KCNC1: variants seen among roughly 807,000 people sequenced by gnomAD.
The protein encoded by KCNC1 is potassium voltage-gated channel subfamily C member 1.
Under a neutral mutation model 43.4 loss-of-function variants are expected in KCNC1, and 8 were observed. The observed-to-expected ratio is 0.18, with a 90% CI of 0.11 to 0.33. The LOEUF is 0.33. KCNC1 is among the 10% of genes least tolerant of loss of function. The pLI is 1.00. For missense variants in KCNC1, 420 were observed against 836.0 expected (o/e 0.50, Z 6.14); for synonymous variants, 361 against 360.5 (o/e 1.00, Z -0.01).
intron 2 of KCNC1, chr11:17,774,744 A>G (rs1849266579): frequency 1.0e-6 from 1 of 985,172 alleles, no homozygotes; most frequent in Non-Finnish European, 1.2e-6. Context: ...TGGGGCCCTC[A>G]CAAGCTTGCC....
At chr11:17,761,711 C>T (rs147906719) in intron 1 of KCNC1, among the ~76,000 whole-genome samples, 7 of 152,322 alleles carry the variant, frequency 4.6e-5, no homozygotes, top group Admixed American at 2.6e-4. Context: ...ACCTGCCTAG[C>T]ATGTGGGTCT....
At chr11:17,761,912 A>G (rs1849082567) in intron 1 of KCNC1, among the ~76,000 whole-genome samples, 1 of 152,060 alleles carries the variant, frequency 6.6e-6, no homozygotes, top group African/African-American at 2.4e-5. Flanking sequence ...CCATCACACC[A>G]GCATCTGCCC....
chr11:17,757,169 G>A (rs930080071), intron 1 of KCNC1, among the ~76,000 whole-genome samples: 6 of 152,080 alleles, frequency 3.9e-5, no homozygotes, highest in African/African-American at 1.2e-4. Flanking sequence ...CTATGGCCAA[G>A]GTGGTTATGA....
intron 1 of KCNC1, among the ~76,000 whole-genome samples, chr11:17,762,124 C>A (rs1310520639): frequency 2.0e-5 from 3 of 152,222 alleles, no homozygotes; most frequent in Non-Finnish European, 2.9e-5. Context: ...CCTTTTACTG[C>A]AGGACAAGGG....
intron 1 of KCNC1, among the ~76,000 whole-genome samples, chr11:17,770,383 C>T (rs554099898): frequency 4.6e-5 from 7 of 152,300 alleles, no homozygotes; most frequent in Admixed American, 1.3e-4. Context: ...GACATGCAGG[C>T]GGGAGTGACT....
At position 17,779,752 on chromosome 11, in the gene KCNC1, C is replaced by G. The variant is rs1470982228; in HGVS notation, c.1693+108C>G. 8 of 886,868 alleles carry G rather than the reference C, an allele frequency of 9.0e-6. No individual in the cohort carries two copies. The highest frequency in any genetic ancestry group is 1.1e-5 in the Non-Finnish European group (7 of 625,170). The allele number at this position is 886,868 out of a possible 1,614,324, so 54.9% of individuals were successfully genotyped here. On this transcript the variant is annotated intron_variant, in intron 3 of 3. Coordinates refer to ENST00000265969, the MANE Select transcript of KCNC1 (RefSeq NM_001112741.2). This position sits in a 1 kb window ranked among gnomAD's most constrained non-coding sequence, Gnocchi z 7.2. The stretch of plus-strand genomic sequence containing the variant: ...GGCGCTGAGGGGCAGGCAGGCACAC[C>G]GAGGGGGGCAAGGATGGAGGGAATC...
At chr11:17,750,510 G>A (rs897331623) in intron 1 of KCNC1, among the ~76,000 whole-genome samples, 1 of 152,170 alleles carries the variant, frequency 6.6e-6, no homozygotes, top group South Asian at 2.1e-4. Flanking sequence ...GGCAGTCTGA[G>A]GATTGGAGTA....
rs1848873272 is a variant in KCNC1 at position 17,744,187 on chromosome 11, CTAACTGACG to C, written c.570+7616_570+7624del. Among the ~76,000 whole-genome samples, 6 of 152,304 alleles carry C rather than the reference CTAACTGACG, an allele frequency of 3.9e-5. No homozygotes were observed. In the South Asian group the frequency reaches 1.2e-3, roughly 32 times the overall value. On this transcript the variant is annotated intron_variant, in intron 1 of 3. Transcript: ENST00000265969. ...CCACCTGTAAAATACAGAGGTCGTGCTAACTGACGGCTAAGGCTCTTCCCAACTCTGACA... is the reference window on the plus strand; with the variant it reads ...CCACCTGTAAAATACAGAGGTCGTGCGCTAAGGCTCTTCCCAACTCTGACA...
intron 2 of KCNC1, chr11:17,774,185 G>A (rs750679360): frequency 6.1e-6 from 6 of 985,532 alleles, no homozygotes; most frequent in African/African-American, 1.7e-5. Flanking sequence ...GGGTCTCCGA[G>A]GCTGAAACAG....
At position 17,771,885 on chromosome 11, in the gene KCNC1, T is replaced by G; in HGVS notation, c.791T>G (p.Val264Gly). ...TTCACCTTCGAGTTCCTCATGCGTG[T>G]CATCTTCTGCCCCAACAAGGTAGAG... ...VWFTFEFLMR[V>G]IFCPNKVEFI... The change falls in exon 2 of 4, where the codon GTC (valine) becomes GGC (glycine). Residue 264 changes from valine to glycine, a missense_variant. Val to Gly is a moderately radical substitution (Grantham distance 109). Transcript: ENST00000265969. This position sits in a 1 kb window ranked among gnomAD's most constrained non-coding sequence, Gnocchi z 4.7. 6.2e-7 allele frequency: 1 copy of G among 1,614,192 alleles called. No individual in the cohort carries two copies.
intron 1 of KCNC1, among the ~76,000 whole-genome samples, chr11:17,755,467 G>A (rs1849013657): frequency 1.3e-5 from 2 of 152,148 alleles, no homozygotes. Context: ...CCATGACCCG[G>A]GGGGAAAGGA....
chr11:17,770,486 C>A (rs750075509), intron 1 of KCNC1, among the ~76,000 whole-genome samples: 7 of 152,178 alleles, frequency 4.6e-5, no homozygotes, highest in Non-Finnish European at 7.4e-5. Context: ...CCCGGCGGGG[C>A]TGGCAGGAGA....
At chr11:17,738,386 C>T (rs956995981) in intron 1 of KCNC1, among the ~76,000 whole-genome samples, 2 of 151,850 alleles carry the variant, frequency 1.3e-5, no homozygotes, top group Non-Finnish European at 2.9e-5. Context: ...TGGGGGTGGG[C>T]AGAGGCCTGG....
In KCNC1 at chr11:17,774,058, C is replaced by T. The variant is rs544121453; in HGVS notation, c.1504+1460C>T. 17 of 985,526 alleles carry T rather than the reference C, an allele frequency of 1.7e-5. 1 individual carries two copies. The South Asian group carries it at 2.8e-4, about 16-fold the overall frequency. 61.0% of individuals were successfully genotyped at this position (985,526 alleles called of 1,614,324 possible). ...GCTTTACCCCACAGCTATGCTGGCC[C>T]GAGCACTACCCTCAAGGCCCATTTC... On this transcript the variant is annotated intron_variant, in intron 2 of 3. Transcript: ENST00000265969.
intron 1 of KCNC1, among the ~76,000 whole-genome samples, chr11:17,765,332 GA>G (rs1849136401): frequency 6.6e-6 from 1 of 152,238 alleles, no homozygotes; most frequent in Non-Finnish European, 1.5e-5. Flanking sequence ...TTCTAAAGAT[GA>G]CTGTGGCATA....
rs1217998164 is a variant in KCNC1, at chr11:17,783,055, G to A, written c.*1321G>A. On this transcript the variant is annotated 3_prime_UTR_variant, in exon 4 of 4. Coordinates refer to ENST00000265969, the MANE Select transcript of KCNC1 (RefSeq NM_001112741.2). ...ATAATAAAAAACTGACTTTTGAGAT[G>A]AAGCATGAATTTGGGTTTTTATTGC... The A allele has an allele frequency of 6.6e-6, 1 of 152,146 alleles. No individual in the cohort carries two copies. The highest frequency in any genetic ancestry group is 1.9e-4 in the East Asian group (1 of 5,200). The allele number at this position is 152,146 out of a possible 1,614,324, so 9.4% of individuals were successfully genotyped here.
chr11:17,772,807 C>T, intron 2 of KCNC1: 2 of 1,443,214 alleles, frequency 1.4e-6, no homozygotes, highest in African/African-American at 1.4e-5. Flanking sequence ...CTCACTGGTG[C>T]CCCTGGGTAA....
intron 1 of KCNC1, among the ~76,000 whole-genome samples, chr11:17,747,023 G>T (rs764548305): frequency 6.6e-6 from 1 of 152,060 alleles, no homozygotes; most frequent in Non-Finnish European, 1.5e-5. Context: ...ACCAGCTCTC[G>T]GCCCTGCGAG....
chr11:17,756,520 AAC>A (rs3051818), intron 1 of KCNC1, among the ~76,000 whole-genome samples: 27,694 of 143,772 alleles, frequency 0.19, 3,784 homozygotes, highest in African/African-American at 0.42. Flanking sequence ...CTTCCCTCCA[AAC>A]ACACACACAC....
Sources: gnomAD v4.1 joint callset for allele counts (sites outside exome capture counted in the v4.1 genomes callset) on GRCh38, gnomAD v4.1.1 for gene constraint, Gnocchi (gnomAD v3.1) non-coding constraint, MANE v1.5 for transcripts, NCBI Gene and HGNC (gene_info 2026-07-23, HGNC 2026-07-21) for gene names.